The following NDUFV3 variants were observed in gnomAD, a reference collection of about 807,000 sequenced individuals.
The protein encoded by NDUFV3 is NADH:ubiquinone oxidoreductase subunit V3.
NDUFV3 carries 44 observed loss-of-function variants against 37.5 expected under a neutral mutation model. The ratio of observed to expected loss-of-function variants is 1.17; its 90% CI spans 0.92 to 1.51. The LOEUF is 1.51. Ranked by LOEUF, NDUFV3 falls within the 40% of genes most tolerant of loss-of-function variation. The pLI is 0.00. For synonymous variants in NDUFV3, 235 were observed against 239.3 expected (o/e 0.98, Z 0.17); for missense variants, 580 against 580.4 (o/e 1.00, Z 0.01).
Position 42,903,253 on chromosome 21 carries a change from T to C in NDUFV3, c.241T>C (p.Ser81Pro), listed in dbSNP as rs759562640. 11 of 1,614,038 alleles carry C rather than the reference T, an allele frequency of 6.8e-6. No homozygotes were observed. In the East Asian group the frequency reaches 1.8e-4, roughly 26 times the overall value. ...AGCAGCTGAATTGTCTAAAAACTTA[T>C]CTTCACCCAGTTCTTACCCGCCAGC... is the stretch of plus-strand genomic sequence containing the variant. Reference protein sequence around the residue: ...QTAAELSKNLSSPSSYPPAVN... With the variant: ...QTAAELSKNLPSPSSYPPAVN... The change falls in exon 3 of 4, where the codon TCT becomes CCT. Residue 81 changes from serine to proline, a missense_variant. Transcript: ENST00000354250.
intron 1 of NDUFV3, among the ~76,000 whole-genome samples, chr21:42,894,461 T>C (rs1231029019): frequency 4.8e-5 from 2 of 41,836 alleles, no homozygotes; most frequent in Non-Finnish European, 7.6e-5. Flanking sequence ...AATATGTTTA[T>C]ATAAATATAT....
chr21:42,903,309 C>G lies in NDUFV3; in HGVS notation c.297C>G (p.Pro99=). 6.2e-7 allele frequency: 1 copy of G among 1,614,204 alleles called. No individual in the cohort carries two copies. The highest frequency in any genetic ancestry group is 8.5e-7 in the Non-Finnish European group (1 of 1,180,040). Residue 99 remains proline, a synonymous_variant, in exon 3 of 4, where the codon CCC becomes CCG. Transcript: ENST00000354250. ...ATAAGGGCAGGAAGGTAGCTAGTCC[C>G]AGTCCCAGTGGCAGCGTGCTATTCA... ...AVNKGRKVAS[P]SPSGSVLFTD...
chr21:42,897,633 A>T (rs2058698690), intron 2 of NDUFV3, among the ~76,000 whole-genome samples: 1 of 152,054 alleles, frequency 6.6e-6, no homozygotes, highest in African/African-American at 2.4e-5. Context: ...TCGGCCTCCC[A>T]AAGTGTTGGG....
At position 42,910,196 on chromosome 21, in the gene NDUFV3, G is replaced by A. The variant is rs1035801718; in HGVS notation, c.*1175G>A. On this transcript the variant is annotated 3_prime_UTR_variant, in exon 4 of 4. Transcript: ENST00000354250. ...AAAAATCAGCCAGGCATGCTAGTGG[G>A]TACCTGTAATCCCAGCTACTCAGGA... is the stretch of plus-strand genomic sequence containing the variant. 1 of 152,108 alleles carries A rather than the reference G, an allele frequency of 6.6e-6. No individual in the cohort carries two copies. Among genetic ancestry groups the A allele is most frequent in the African/African-American group, 2.4e-5 (1 of 41,404 alleles). The allele number at this position is 152,108 out of a possible 1,614,324, so 9.4% of individuals were successfully genotyped here. A position where few individuals can be genotyped will look rare whatever the true frequency, so the allele number is the denominator to read the frequency against.
At chr21:42,897,900 T>A in intron 2 of NDUFV3, among the ~76,000 whole-genome samples, 1 of 151,812 alleles carries the variant, frequency 6.6e-6, no homozygotes, top group East Asian at 1.9e-4. Context: ...ATGGTCTTGA[T>A]CTCCTGACCT....
intron 1 of NDUFV3, 146 bp from the exon 2 acceptor site, chr21:42,896,781 G>A: frequency 1.4e-6 from 1 of 715,228 alleles, no homozygotes; most frequent in Non-Finnish European, 2.2e-6. Flanking sequence ...GAAGGCTGCA[G>A]TGAGCCATGA....
chr21:42,908,803 C>G, intron 3 of NDUFV3, 61 bp from the exon 4 acceptor site: 2 of 1,597,324 alleles, frequency 1.3e-6, no homozygotes, highest in Non-Finnish European at 1.7e-6. Context: ...GTGTGTGAGC[C>G]GAGTCATTCA....
intron 3 of NDUFV3, among the ~76,000 whole-genome samples, chr21:42,908,653 C>T (rs1335519843): frequency 6.7e-6 from 1 of 150,186 alleles, no homozygotes; most frequent in Non-Finnish European, 1.5e-5. Context: ...GTGTGTGAGC[C>T]GAGTCATTCA....
intron 2 of NDUFV3, among the ~76,000 whole-genome samples, chr21:42,897,694 T>C (rs542618255): frequency 1.7e-4 from 24 of 144,236 alleles, no homozygotes; most frequent in African/African-American, 5.7e-4. Flanking sequence ...TTCTTTTTTT[T>C]GAGATGGAGT....
In NDUFV3 at chr21:42,904,245, C is replaced by T. The variant is rs771810158; in HGVS notation, c.1233C>T (p.Ala411=). The change falls in exon 3 of 4, where the codon GCC becomes GCT. Residue 411 remains alanine (A), a synonymous_variant. Coordinates refer to ENST00000354250, the MANE Select transcript of NDUFV3 (RefSeq NM_021075.4). ...AGGGCGAGGCCATGGAAGATGCAGC[C>T]GCGCCAGGGGACGACCGAGGCGGCA... The part of the protein sequence containing the change: ...EAEGEAMEDA[A]APGDDRGGTQ... 40 of 1,610,024 alleles carry T rather than the reference C, an allele frequency of 2.5e-5. 1 individual carries two copies. In the South Asian group the frequency reaches 2.9e-4, roughly 12 times the overall value.
rs990162057 is a variant in NDUFV3 at position 42,909,332 on chromosome 21, G to C, written c.*311G>C. 5.6e-6 allele frequency: 2 copies of C among 355,392 alleles called. No homozygotes were observed. Among genetic ancestry groups the C allele is most frequent in the Non-Finnish European group, 1.1e-5 (2 of 182,146 alleles). The allele number at this position is 355,392 out of a possible 1,614,324, so 22.0% of individuals were successfully genotyped here. On this transcript the variant is annotated 3_prime_UTR_variant, in exon 4 of 4. Coordinates refer to ENST00000354250, the MANE Select transcript of NDUFV3 (RefSeq NM_021075.4). ...AACTTTTGTATTTTTAGTAGAGACA[G>C]GGTTTCACCATGTTGGCCAGGCTGG...
chr21:42,893,421 A>T, intron 1 of NDUFV3, 40 bp downstream of exon 1: 2 of 1,533,066 alleles, frequency 1.3e-6, no homozygotes, highest in Non-Finnish European at 1.7e-6. Flanking sequence ...CGCGGCCCCG[A>T]GCCTACGTAG....
In NDUFV3 at chr21:42,894,450, T is replaced by C. The variant is rs1309570023; in HGVS notation, c.48+1069T>C. Reference sequence around the variant, plus strand: ...ATAAATATATATTATATAATATATATAATATGTTTATATAAATATATATTA... The same window carrying C: ...ATAAATATATATTATATAATATATACAATATGTTTATATAAATATATATTA... On this transcript the variant is annotated intron_variant, in intron 1 of 3. Transcript: ENST00000354250. Among the ~76,000 whole-genome samples, 31 of 51,016 alleles carry C rather than the reference T, an allele frequency of 6.1e-4. 1 individual carries two copies. Among genetic ancestry groups the C allele is most frequent in the Non-Finnish European group, 2.8e-4 (9 of 31,976 alleles). The allele number at this position is 51,016 out of a possible 152,430, so 33.5% of individuals were successfully genotyped here. A position where few individuals can be genotyped will look rare whatever the true frequency, so the allele number is the denominator to read the frequency against.
At position 42,903,918 on chromosome 21, in the gene NDUFV3, A is replaced by T. The variant is rs1406523853; in HGVS notation, c.906A>T (p.Pro302=). Residue 302 remains proline, a synonymous_variant, in exon 3 of 4, where the codon CCA becomes CCT. Coordinates refer to ENST00000354250, the MANE Select transcript of NDUFV3 (RefSeq NM_021075.4). ...PVHTKSGLSA[P]PKGSPAPAVL... ...ACACAAAATCAGGGTTGTCTGCGCC[A>T]CCGAAGGGCAGCCCAGCGCCTGCTG... The T allele has an allele frequency of 6.2e-7, 1 of 1,611,894 alleles. No individual in the cohort carries two copies. The highest frequency in any genetic ancestry group is 1.1e-5 in the South Asian group (1 of 90,936).
Position 42,899,593 on chromosome 21 carries a change from C to T in NDUFV3, c.169+2546C>T, listed in dbSNP as rs527610153. Among the ~76,000 whole-genome samples the T allele has an allele frequency of 2.6e-5, 4 of 152,250 alleles. No homozygotes were observed. In the South Asian group the frequency reaches 6.2e-4, roughly 24 times the overall value. ...CCGAATAGCTGGGACTACAGGTGCC[C>T]GCCACCAAACCCGGCAAATTTTTCT... On this transcript the variant is annotated intron_variant, in intron 2 of 3. Transcript: ENST00000354250.
At chr21:42,894,334 TTA>T (rs1228361133) in intron 1 of NDUFV3, among the ~76,000 whole-genome samples, 1 of 51,864 alleles carries the variant, frequency 1.9e-5, no homozygotes, top group Non-Finnish European at 3.2e-5. Flanking sequence ...TAAATACATA[TTA>T]TATATATTAT....
intron 2 of NDUFV3, among the ~76,000 whole-genome samples, chr21:42,899,872 C>T (rs2058711814): frequency 6.6e-6 from 1 of 152,168 alleles, no homozygotes; most frequent in Admixed American, 6.6e-5. Context: ...TGAGCCACCG[C>T]ACCTGGCCAT....
At chr21:42,894,471 TATTATATA>T (rs1421793895) in intron 1 of NDUFV3, among the ~76,000 whole-genome samples, 2 of 69,260 alleles carry the variant, frequency 2.9e-5, no homozygotes, top group South Asian at 6.9e-4. Context: ...TATAAATATA[TATTATATA>T]TTTATATATT....
Position 42,911,227 on chromosome 21 carries a change from G to A in NDUFV3, c.*2206G>A, listed in dbSNP as rs2058769493. ...CATTGCATTCAGTCTGGGTGACAGC[G>A]TGAGACTGCATCTCAAAAAAAAATT... On this transcript the variant is annotated 3_prime_UTR_variant, in exon 4 of 4. Coordinates refer to ENST00000354250, the MANE Select transcript of NDUFV3 (RefSeq NM_021075.4). 1.3e-5 allele frequency: 2 copies of A among 152,088 alleles called. No individual in the cohort carries two copies. The highest frequency in any genetic ancestry group is 6.5e-5 in the Admixed American group (1 of 15,268). The allele number at this position is 152,088 out of a possible 1,614,324, so 9.4% of individuals were successfully genotyped here. A position where few individuals can be genotyped will look rare whatever the true frequency, so the allele number is the denominator to read the frequency against.
Sources: gnomAD v4.1 joint callset for allele counts (sites outside exome capture counted in the v4.1 genomes callset) on GRCh38, gnomAD v4.1.1 for gene constraint, MANE v1.5 for transcripts, NCBI Gene and HGNC (gene_info 2026-07-23, HGNC 2026-07-21) for gene names.